EYS: variants seen among roughly 807,000 people sequenced by gnomAD.
EYS encodes the protein protein eyes shut homolog.
Under a neutral mutation model 282.1 loss-of-function variants are expected in EYS, and 250 were observed. The ratio of observed to expected loss-of-function variants is 0.89; its 90% CI spans 0.80 to 0.98. EYS has a LOEUF of 0.98. Among genes scored for constraint, EYS ranks in the 50% least tolerant of loss-of-function variants. EYS has a pLI of 0.00. For synonymous variants in EYS, 1,355 were observed against 1,282.9 expected (o/e 1.06, Z -1.20); for missense variants, 4,016 against 3,709.0 (o/e 1.08, Z -2.15).
intron 33 of EYS, among the ~76,000 whole-genome samples, chr6:64,063,538 AC>A (rs1383785859): frequency 6.6e-6 from 1 of 152,164 alleles, no homozygotes; most frequent in Non-Finnish European, 1.5e-5. Flanking sequence ...ATATACAGTA[AC>A]CCTCTAACTG....
intron 12 of EYS, among the ~76,000 whole-genome samples, chr6:65,243,279 G>A (rs1767099358): frequency 6.6e-6 from 1 of 151,758 alleles, no homozygotes; most frequent in South Asian, 2.1e-4. Flanking sequence ...AATAAAGTTA[G>A]CCATTAAGAT....
At chr6:65,140,795 C>T (rs901273923) in intron 12 of EYS, among the ~76,000 whole-genome samples, 4 of 151,430 alleles carry the variant, frequency 2.6e-5, no homozygotes, top group Non-Finnish European at 4.4e-5. Context: ...CAATGAGATA[C>T]CATCTCACAC....
chr6:64,884,895 G>T (rs1419620595), intron 19 of EYS, among the ~76,000 whole-genome samples: 2 of 151,494 alleles, frequency 1.3e-5, no homozygotes, highest in East Asian at 3.9e-4. Context: ...GAGCAGTTTT[G>T]CTCAGTGACA....
At chr6:63,805,793 A>C (rs1273098682) in intron 37 of EYS, among the ~76,000 whole-genome samples, 1 of 152,142 alleles carries the variant, frequency 6.6e-6, no homozygotes, top group Non-Finnish European at 1.5e-5. Context: ...TCTCCCCTTT[A>C]CTAGGCACGT....
intron 31 of EYS, among the ~76,000 whole-genome samples, chr6:64,090,493 T>A (rs374403737): frequency 6.6e-6 from 1 of 152,300 alleles, no homozygotes; most frequent in East Asian, 1.9e-4. Flanking sequence ...AAATATATAC[T>A]TCTATTGCAG....
intron 28 of EYS, among the ~76,000 whole-genome samples, chr6:64,403,898 A>AT (rs1387153753): frequency 1.3e-5 from 2 of 152,072 alleles, no homozygotes; most frequent in African/African-American, 4.8e-5. Context: ...GAGAAACTGG[A>AT]TTTTTTCAGA....
At chr6:64,162,510 G>A (rs1334496562) in intron 31 of EYS, among the ~76,000 whole-genome samples, 1 of 152,008 alleles carries the variant, frequency 6.6e-6, no homozygotes, top group Non-Finnish European at 1.5e-5. Context: ...AAGGAATCTG[G>A]GATAATATCT....
intron 31 of EYS, among the ~76,000 whole-genome samples, chr6:64,103,085 T>C (rs1441649921): frequency 2.6e-5 from 4 of 152,052 alleles, no homozygotes; most frequent in Admixed American, 6.6e-5. Flanking sequence ...GCCTTTACAA[T>C]AGAAACAGTT....
intron 31 of EYS, among the ~76,000 whole-genome samples, chr6:64,108,827 C>G (rs552396382): frequency 6.6e-6 from 1 of 152,178 alleles, no homozygotes; most frequent in East Asian, 1.9e-4. Flanking sequence ...CCACATTACT[C>G]TAACAATGAT....
At chr6:63,749,767 G>C (rs1286808668) in intron 41 of EYS, among the ~76,000 whole-genome samples, 1 of 152,134 alleles carries the variant, frequency 6.6e-6, no homozygotes, top group Non-Finnish European at 1.5e-5. Flanking sequence ...GTCACTGGGG[G>C]TCAGGAACAA....
chr6:65,326,846 C>A (rs150610816), intron 11 of EYS, among the ~76,000 whole-genome samples: 12 of 151,308 alleles, frequency 7.9e-5, no homozygotes, highest in Non-Finnish European at 5.9e-5. Flanking sequence ...ATTTTCTAAA[C>A]GACATTTATT....
intron 5 of EYS, among the ~76,000 whole-genome samples, chr6:65,444,631 G>T (rs138632122): frequency 1.5e-4 from 23 of 152,062 alleles, no homozygotes; most frequent in African/African-American, 5.1e-4. Context: ...AAAATAAAAA[G>T]AATAATACCA....
At chr6:65,368,073 C>T (rs1231352585) in intron 8 of EYS, among the ~76,000 whole-genome samples, 2 of 151,408 alleles carry the variant, frequency 1.3e-5, no homozygotes, top group African/African-American at 2.4e-5. Flanking sequence ...TTTCACATGG[C>T]AGCAGGAAGG....
chr6:64,335,070 T>C (rs2150392885), intron 29 of EYS, among the ~76,000 whole-genome samples: 1 of 152,208 alleles, frequency 6.6e-6, no homozygotes, highest in Admixed American at 6.5e-5. Flanking sequence ...TATCCCAAGA[T>C]GAGTATGTAC....
At chr6:65,461,178 T>C (rs2150409688) in intron 5 of EYS, among the ~76,000 whole-genome samples, 1 of 152,264 alleles carries the variant, frequency 6.6e-6, no homozygotes, top group South Asian at 2.1e-4. Context: ...AACTCTACCA[T>C]TGTTTACTTC....
intron 31 of EYS, among the ~76,000 whole-genome samples, chr6:64,153,052 T>A (rs1232736484): frequency 6.6e-6 from 1 of 152,166 alleles, no homozygotes; most frequent in Non-Finnish European, 1.5e-5. Flanking sequence ...TCTAAGTGTA[T>A]AACGCCTAAT....
intron 31 of EYS, among the ~76,000 whole-genome samples, chr6:64,142,743 C>T (rs577209436): frequency 6.6e-6 from 1 of 152,068 alleles, no homozygotes; most frequent in African/African-American, 2.4e-5. Context: ...TGTTGCTTCA[C>T]TTCAAGCAGG....
chr6:64,740,978 G>A, intron 22 of EYS, among the ~76,000 whole-genome samples: 1 of 152,122 alleles, frequency 6.6e-6, no homozygotes, highest in East Asian at 1.9e-4. Flanking sequence ...CTCCCAAAGT[G>A]CTGGGATTAC....
At chr6:64,956,795 CA>C (rs1769719393) in intron 14 of EYS, among the ~76,000 whole-genome samples, 1 of 152,058 alleles carries the variant, frequency 6.6e-6, no homozygotes, top group South Asian at 2.1e-4. Flanking sequence ...AGACATTTAT[CA>C]AAAGAAGACA....
Sources: gnomAD v4.1 joint callset for allele counts (sites outside exome capture counted in the v4.1 genomes callset) on GRCh38, gnomAD v4.1.1 for gene constraint, MANE v1.5 for transcripts, NCBI Gene and HGNC (gene_info 2026-07-23, HGNC 2026-07-21) for gene names.